HSPH1: variants seen among roughly 807,000 people sequenced by gnomAD.
HSPH1 encodes heat shock protein 105 kDa.
HSPH1 carries 40 observed loss-of-function variants against 100.0 expected under a neutral mutation model. That is an observed-to-expected ratio of 0.40 (90% confidence interval 0.31 to 0.52). The LOEUF is 0.52. Among genes scored for constraint, HSPH1 ranks in the 20% least tolerant of loss-of-function variants. The pLI, the probability that HSPH1 is intolerant of heterozygous loss-of-function variation, is 0.54. For missense variants in HSPH1, 876 were observed against 1,015.1 expected (o/e 0.86, Z 1.86); for synonymous variants, 403 against 344.0 (o/e 1.17, Z -1.90).
At chr13:31,157,987 T>C (rs955850281) in intron 2 of HSPH1, among the ~76,000 whole-genome samples, 16 of 152,282 alleles carry the variant, frequency 1.1e-4, no homozygotes, top group African/African-American at 3.6e-4. Flanking sequence ...ACTTCACATT[T>C]TGATTCAGAC....
Position 31,148,415 on chromosome 13 carries a change from T to C in HSPH1, c.1203A>G (p.Pro401=), listed in dbSNP as rs369362209. The C allele has an allele frequency of 2.3e-5, 37 of 1,589,972 alleles. No individual in the cohort carries two copies. The African/African-American group carries it at 3.3e-4, about 14-fold the overall frequency. ...AATCATGGTTCCAGATCAGAGATAT[T>C]GGAAAAGGAACTGCATCTGTGACGG... The part of the protein sequence containing the change: ...EFSVTDAVPF[P]ISLIWNHDSE... Residue 401 remains proline, a synonymous_variant, in exon 9 of 18, where the codon CCA becomes CCG. Coordinates refer to ENST00000320027, the MANE Select transcript of HSPH1 (RefSeq NM_006644.4).
intron 6 of HSPH1, 26 bp downstream of exon 6, chr13:31,151,583 C>T: frequency 1.3e-6 from 2 of 1,594,338 alleles, no homozygotes; most frequent in Non-Finnish European, 1.7e-6. Context: ...GTGTTTTGGA[C>T]ACTGAGTTCC....
chr13:31,162,201 G>A, upstream of HSPH1: 2 of 1,001,316 alleles, frequency 2.0e-6, no homozygotes, highest in Non-Finnish European at 3.0e-6. Context: ...AACGAAGAAT[G>A]ACTCCAAAAC....
rs965725557 is a variant in HSPH1 at position 31,161,890 on chromosome 13, C to G, written c.-308G>C. 6.7e-7 allele frequency: 1 copy of G among 1,494,418 alleles called. No individual in the cohort carries two copies. Among genetic ancestry groups the G allele is most frequent in the Non-Finnish European group, 8.9e-7 (1 of 1,123,374 alleles). 92.6% of individuals were successfully genotyped at this position (1,494,418 alleles called of 1,614,324 possible). A position where few individuals can be genotyped will look rare whatever the true frequency, so the allele number is the denominator to read the frequency against. Reference sequence around the variant, plus strand: ...CGCGGCTCGCACACCGGCGCCGGCGCTGAACTACCGACCCAAAAGGGGAGG... The same window carrying G: ...CGCGGCTCGCACACCGGCGCCGGCGGTGAACTACCGACCCAAAAGGGGAGG... On this transcript the variant is annotated 5_prime_UTR_variant, in exon 1 of 18. Coordinates refer to ENST00000320027, the MANE Select transcript of HSPH1 (RefSeq NM_006644.4).
intron 2 of HSPH1, among the ~76,000 whole-genome samples, chr13:31,157,103 A>G (rs1387141957): frequency 6.6e-6 from 1 of 152,256 alleles, no homozygotes; most frequent in Non-Finnish European, 1.5e-5. Context: ...TGGCAGTACT[A>G]GTTTTCAAAC....
At chr13:31,157,903 G>GA (rs1956755737) in intron 2 of HSPH1, among the ~76,000 whole-genome samples, 1 of 149,964 alleles carries the variant, frequency 6.7e-6, no homozygotes, top group African/African-American at 2.5e-5. Context: ...GTAGTCAACA[G>GA]AAAAAAATTG....
At position 31,136,138 on chromosome 13, in the gene HSPH1, G is replaced by A. The variant is rs1252421042; in HGVS notation, c.*1180C>T. ...TTTGTGCTTACAAAACAACCAGATA[G>A]ATTCATTGCAGCATTATTTAGAACA... On this transcript the variant is annotated 3_prime_UTR_variant, in exon 18 of 18. Transcript: ENST00000320027. 1 of 152,132 alleles carries A rather than the reference G, an allele frequency of 6.6e-6. No homozygotes were observed. Among genetic ancestry groups the A allele is most frequent in the East Asian group, 1.9e-4 (1 of 5,200 alleles). The allele number at this position is 152,132 out of a possible 1,614,324, so 9.4% of individuals were successfully genotyped here.
intron 2 of HSPH1, among the ~76,000 whole-genome samples, chr13:31,157,804 T>C (rs758979557): frequency 6.6e-6 from 1 of 152,192 alleles, no homozygotes; most frequent in African/African-American, 2.4e-5. Context: ...ACATAAAATT[T>C]TGTAGCAGCC....
At chr13:31,159,786 T>C (rs1010086495) in intron 1 of HSPH1, among the ~76,000 whole-genome samples, 13 of 152,134 alleles carry the variant, frequency 8.5e-5, no homozygotes, top group Admixed American at 6.5e-4. Context: ...AAATTTGCTA[T>C]AATAGAAACA....
Position 31,161,696 on chromosome 13 carries a change from G to A in HSPH1, c.-114C>T, listed in dbSNP as rs1349601918. On this transcript the variant is annotated 5_prime_UTR_variant, in exon 1 of 18. Transcript: ENST00000320027. Reference sequence around the variant, plus strand: ...GCCGCGTTCTGCTCCGGCCCGCGGGGTCTGGCCGTTCCTCTGACACTCAGA... The same window carrying A: ...GCCGCGTTCTGCTCCGGCCCGCGGGATCTGGCCGTTCCTCTGACACTCAGA... 5 of 1,541,638 alleles carry A rather than the reference G, an allele frequency of 3.2e-6. No homozygotes were observed. Among genetic ancestry groups the A allele is most frequent in the East Asian group, 4.8e-5 (2 of 41,326 alleles).
At chr13:31,144,156 G>A (rs1011161863) in intron 11 of HSPH1, among the ~76,000 whole-genome samples, 1 of 152,090 alleles carries the variant, frequency 6.6e-6, no homozygotes, top group African/African-American at 2.4e-5. Context: ...AATAACACAA[G>A]TAAGCATTTA....
intron 2 of HSPH1, among the ~76,000 whole-genome samples, chr13:31,157,171 T>C (rs1000307313): frequency 2.6e-5 from 4 of 152,234 alleles, no homozygotes; most frequent in African/African-American, 9.6e-5. Context: ...AAAACTGAGA[T>C]GAAGTATGTC....
intron 2 of HSPH1, among the ~76,000 whole-genome samples, chr13:31,156,515 G>C (rs1367760870): frequency 6.6e-6 from 1 of 151,250 alleles, no homozygotes; most frequent in African/African-American, 2.4e-5. Context: ...AGTGAGCCAA[G>C]ATAGTGCCAT....
chr13:31,161,409 C>A, intron 1 of HSPH1, 67 bp downstream of exon 1: 7 of 1,580,728 alleles, frequency 4.4e-6, no homozygotes, highest in Non-Finnish European at 6.0e-6. Flanking sequence ...AGCCAGCCCG[C>A]GATCTTGGGT....
chr13:31,144,084 A>T, intron 11 of HSPH1, among the ~76,000 whole-genome samples, 161 bp from the exon 12 acceptor site: 1 of 152,166 alleles, frequency 6.6e-6, no homozygotes. Context: ...GTACTTGAAA[A>T]CTTCTGTAGA....
chr13:31,158,779 T>C (rs779004180), intron 2 of HSPH1, 27 bp downstream of exon 2: 4 of 1,503,556 alleles, frequency 2.7e-6, no homozygotes, highest in South Asian at 2.3e-5. Context: ...CCTTAAAAAG[T>C]GATCCGAATT....
chr13:31,147,327 G>C (rs891034781), intron 10 of HSPH1, among the ~76,000 whole-genome samples: 36 of 152,096 alleles, frequency 2.4e-4, no homozygotes, highest in African/African-American at 8.2e-4. Flanking sequence ...AAACACAACT[G>C]ATCAGGTTGG....
intron 10 of HSPH1, among the ~76,000 whole-genome samples, chr13:31,146,792 T>C (rs1194531543): frequency 6.6e-6 from 1 of 152,148 alleles, no homozygotes; most frequent in Non-Finnish European, 1.5e-5. Flanking sequence ...AAGTGCTAGG[T>C]GTAAGTTATA....
rs1310171803 is a variant in HSPH1 at position 31,151,095 on chromosome 13, A to G, written c.760T>C (p.Leu254=). 6.2e-7 allele frequency: 1 copy of G among 1,613,614 alleles called. No individual in the cohort carries two copies. Among genetic ancestry groups the G allele is most frequent in the Admixed American group, 1.7e-5 (1 of 59,948 alleles). ...GCTCGTATTTTGGATTTTGCATCCA[A>G]CTTGTACTTAGTTTTAAATTCTGCA... ...FCAEFKTKYK[L]DAKSKIRALL... Residue 254 remains leucine (L), a synonymous_variant, in exon 7 of 18, where the codon TTG becomes CTG. Coordinates refer to ENST00000320027, the MANE Select transcript of HSPH1 (RefSeq NM_006644.4).
Sources: gnomAD v4.1 joint callset for allele counts (sites outside exome capture counted in the v4.1 genomes callset) on GRCh38, gnomAD v4.1.1 for gene constraint, MANE v1.5 for transcripts, NCBI Gene and HGNC (gene_info 2026-07-23, HGNC 2026-07-21) for gene names.